The following LAMB1 variants were observed in gnomAD, a reference collection of about 807,000 sequenced individuals.
LAMB1 encodes the protein laminin subunit beta-1.
LAMB1 carries 121 observed loss-of-function variants against 222.3 expected under a neutral mutation model. The ratio of observed to expected loss-of-function variants is 0.54; its 90% CI spans 0.47 to 0.63. LAMB1 has a LOEUF of 0.63. Among genes scored for constraint, LAMB1 ranks in the 30% least tolerant of loss-of-function variants. The probability of loss-of-function intolerance (pLI) is 0.00; values close to 1 mark genes in which losing one functional copy is unlikely to be tolerated. For synonymous variants in LAMB1, 794 were observed against 807.2 expected, an observed-to-expected ratio of 0.98 and a Z score of 0.28; for missense variants, 2,172 against 2,240.8, an observed-to-expected ratio of 0.97 and a Z score of 0.62.
intron 25 of LAMB1, among the ~76,000 whole-genome samples, chr7:107,938,286 T>G (rs1031304264): frequency 2.0e-5 from 3 of 152,246 alleles, no homozygotes; most frequent in Non-Finnish European, 2.9e-5. Context: ...AATGGTAGAT[T>G]AAATTACATT....
intron 25 of LAMB1, among the ~76,000 whole-genome samples, chr7:107,939,412 C>G (rs981073118): frequency 2.6e-5 from 4 of 152,226 alleles, no homozygotes; most frequent in African/African-American, 9.6e-5. Context: ...AAGCACTGGT[C>G]TGGTGGACTA....
chr7:107,984,656 G>A (rs1348985292), intron 7 of LAMB1, among the ~76,000 whole-genome samples: 3 of 152,146 alleles, frequency 2.0e-5, no homozygotes, highest in Non-Finnish European at 4.4e-5. Context: ...AATAAACCTG[G>A]AAACATGGAT....
At chr7:107,990,610 T>C (rs996891232) in intron 5 of LAMB1, among the ~76,000 whole-genome samples, 3 of 152,234 alleles carry the variant, frequency 2.0e-5, no homozygotes, top group Non-Finnish European at 2.9e-5. Context: ...GGCTACTCCA[T>C]AAGCAGAGCA....
intron 24 of LAMB1, among the ~76,000 whole-genome samples, chr7:107,948,413 G>T (rs1367356372): frequency 2.0e-5 from 3 of 152,174 alleles, no homozygotes; most frequent in Non-Finnish European, 4.4e-5. Flanking sequence ...AGATAAGGTT[G>T]GAGAGATGAC....
At chr7:107,999,345 T>C (rs1395501004) in intron 3 of LAMB1, among the ~76,000 whole-genome samples, 3 of 152,224 alleles carry the variant, frequency 2.0e-5, no homozygotes, top group East Asian at 1.9e-4. Context: ...ACAAGGAGCT[T>C]TGCTCTGTAC....
Position 107,959,334 on chromosome 7 carries a change from A to C in LAMB1, c.2605T>G (p.Cys869Gly), listed in dbSNP as rs981047090. 6.2e-7 allele frequency: 1 copy of C among 1,614,216 alleles called. No individual in the cohort carries two copies. ...TCGCAGTCATCGGCGTGGCCATTGCACTGGCAGGGCTGGCAACTTGGAAAG... is the reference window on the plus strand; with the variant it reads ...TCGCAGTCATCGGCGTGGCCATTGCCCTGGCAGGGCTGGCAACTTGGAAAG... The part of the protein sequence containing the change: ...WGFPSCQPCQ[C>G]NGHADDCDPV... Residue 869 changes from cysteine to glycine, a missense_variant, in exon 20 of 34, where the codon TGC becomes GGC. Physicochemically the swap from Cys to Gly is radical, Grantham distance 159. Coordinates refer to ENST00000222399, the MANE Select transcript of LAMB1 (RefSeq NM_002291.3).
At chr7:107,987,227 T>G (rs1180127596) in intron 5 of LAMB1, among the ~76,000 whole-genome samples, 2 of 152,210 alleles carry the variant, frequency 1.3e-5, no homozygotes, top group East Asian at 3.8e-4. Context: ...TGATTCCACT[T>G]GTATGAAATA....
intron 5 of LAMB1, among the ~76,000 whole-genome samples, chr7:107,992,709 A>G (rs1391901474): frequency 6.6e-6 from 1 of 152,172 alleles, no homozygotes; most frequent in East Asian, 1.9e-4. Context: ...CAGCCTGGCC[A>G]ACATGGTGAA....
At chr7:107,924,110 A>C in intron 33 of LAMB1, 23 bp from the exon 34 acceptor site, 2 of 1,529,354 alleles carry the variant, frequency 1.3e-6, no homozygotes, top group Non-Finnish European at 1.7e-6. Flanking sequence ...ATATATATAT[A>C]AAGTCTGAGC....
At position 107,960,435 on chromosome 7, in the gene LAMB1, C is replaced by A. The variant is rs778065041; in HGVS notation, c.2314+10G>T. 1.7e-4 allele frequency: 270 copies of A among 1,609,492 alleles called. 1 individual carries two copies. The highest frequency in any genetic ancestry group is 2.2e-5 in the Non-Finnish European group (26 of 1,176,292). On this transcript the variant is annotated intron_variant, in intron 18 of 33. Transcript: ENST00000222399. Reference sequence around the variant, plus strand: ...AACAGCAGCTGCTGCAGCTGCCCAGCAATACCTACCCAGGCCTGTCTGGTG... The same window carrying A: ...AACAGCAGCTGCTGCAGCTGCCCAGAAATACCTACCCAGGCCTGTCTGGTG...
At chr7:107,954,960 T>A (rs2033343904) in intron 21 of LAMB1, among the ~76,000 whole-genome samples, 1 of 152,222 alleles carries the variant, frequency 6.6e-6, no homozygotes, top group African/African-American at 2.4e-5. Context: ...TTTGTAACAG[T>A]GGCTTCAAGG....
chr7:107,988,604 C>T (rs1272000110), intron 5 of LAMB1, among the ~76,000 whole-genome samples: 1 of 152,152 alleles, frequency 6.6e-6, no homozygotes, highest in Non-Finnish European at 1.5e-5. Flanking sequence ...ATTTGTGTGT[C>T]TGCAAGTTTC....
intron 24 of LAMB1, among the ~76,000 whole-genome samples, chr7:107,941,860 A>T (rs2032991130): frequency 2.3e-5 from 2 of 87,352 alleles, no homozygotes; most frequent in East Asian, 7.8e-4. Flanking sequence ...TTTTTTTTTA[A>T]GAGACGGTGT....
At chr7:107,971,022 G>A (rs1277450054) in intron 13 of LAMB1, among the ~76,000 whole-genome samples, 5 of 152,304 alleles carry the variant, frequency 3.3e-5, no homozygotes, top group South Asian at 2.1e-4. Flanking sequence ...ATGAGCCAAC[G>A]CGCCTGGCCA....
intron 29 of LAMB1, 51 bp downstream of exon 29, chr7:107,931,303 CAG>C (rs1309129901): frequency 4.4e-6 from 6 of 1,367,056 alleles, no homozygotes; most frequent in African/African-American, 1.5e-5. Context: ...AAAATGTAAA[CAG>C]AGAATCACAC....
intron 24 of LAMB1, among the ~76,000 whole-genome samples, chr7:107,941,425 C>A (rs2032979101): frequency 6.6e-6 from 1 of 152,204 alleles, no homozygotes; most frequent in African/African-American, 2.4e-5. Flanking sequence ...ATTTCCCTAA[C>A]TGGATTGTGG....
chr7:107,957,589 G>A (rs2033405048), intron 20 of LAMB1, among the ~76,000 whole-genome samples: 1 of 152,116 alleles, frequency 6.6e-6, no homozygotes, highest in Admixed American at 6.6e-5. Context: ...ACTCACCCAA[G>A]GTTAGAAAGC....
intron 2 of LAMB1, chr7:108,002,347 G>A (rs752596975): frequency 2.7e-5 from 36 of 1,316,096 alleles, no homozygotes; most frequent in Non-Finnish European, 3.4e-5. Context: ...TGGTTTCAAG[G>A]CTTCTCCATT....
At chr7:107,963,321 T>A (rs1776868347) in intron 14 of LAMB1, among the ~76,000 whole-genome samples, 1 of 152,200 alleles carries the variant, frequency 6.6e-6, no homozygotes, top group Non-Finnish European at 1.5e-5. Flanking sequence ...TATACCTTAT[T>A]TGATATGACC....
Sources: gnomAD v4.1 joint callset for allele counts (sites outside exome capture counted in the v4.1 genomes callset) on GRCh38, gnomAD v4.1.1 for gene constraint, MANE v1.5 for transcripts, NCBI Gene and HGNC (gene_info 2026-07-23, HGNC 2026-07-21) for gene names.